The following CLIP1 variants were observed in gnomAD, a reference collection of about 807,000 sequenced individuals.
CLIP1 encodes the protein CAP-Gly domain containing linker protein 1.
Under a neutral mutation model 161.6 loss-of-function variants are expected in CLIP1, and 66 were observed. The ratio of observed to expected loss-of-function variants is 0.41; its 90% CI spans 0.33 to 0.50. CLIP1 has a LOEUF of 0.50. Among genes scored for constraint, CLIP1 ranks in the 20% least tolerant of loss-of-function variants. CLIP1 has a pLI of 0.27. For missense variants in CLIP1, 1,376 were observed against 1,702.0 expected, an observed-to-expected ratio of 0.81 and a Z score of 3.37; for synonymous variants, 598 against 626.2, an observed-to-expected ratio of 0.96 and a Z score of 0.67.
At chr12:122,401,139 G>A (rs1432605885) in intron 1 of CLIP1, among the ~76,000 whole-genome samples, 3 of 152,030 alleles carry the variant, frequency 2.0e-5, no homozygotes, top group African/African-American at 4.8e-5. Flanking sequence ...TCGAACTCCC[G>A]ACCTCAGGTG....
intron 12 of CLIP1, 41 bp from the exon 13 acceptor site, chr12:122,334,746 A>C: frequency 7.9e-7 from 1 of 1,273,244 alleles, no homozygotes; most frequent in Non-Finnish European, 1.1e-6. Flanking sequence ...GAAAGATTTC[A>C]AATTGTAAAG....
chr12:122,341,784 T>C lies in CLIP1; in HGVS notation c.1507-87A>G, dbSNP rs1373942817. On this transcript the variant is annotated intron_variant, in intron 10 of 25. Transcript: ENST00000620786. ...TTTCTTTTTTTTTTTTTTTTTTTTT[T>C]TTTTTTTTTTTTTTTTGAGATGGAG... The C allele has an allele frequency of 1.3e-4, 97 of 753,818 alleles. No homozygotes were observed. In the African/African-American group the frequency reaches 2.5e-3, roughly 19 times the overall value. 46.7% of individuals were successfully genotyped at this position (753,818 alleles called of 1,614,324 possible). A position where few individuals can be genotyped will look rare whatever the true frequency, so the allele number is the denominator to read the frequency against.
intron 1 of CLIP1, among the ~76,000 whole-genome samples, chr12:122,415,325 C>CA (rs1407209944): frequency 2.7e-5 from 4 of 149,462 alleles, no homozygotes; most frequent in Non-Finnish European, 4.5e-5. Context: ...ACTAAAAATA[C>CA]AAAAAAATTA....
At chr12:122,327,921 C>G in intron 17 of CLIP1, 26 bp downstream of exon 17, 1 of 1,609,024 alleles carries the variant, frequency 6.2e-7, no homozygotes, top group Non-Finnish European at 8.5e-7. Context: ...AGCTACAACA[C>G]AAGGAAATTC....
In CLIP1 at chr12:122,309,858, A is replaced by G. The variant is rs760903246; in HGVS notation, c.3498T>C (p.Ala1166=). ...KEIETLKQAA[A]QKSQQLSALQ... The stretch of plus-strand genomic sequence containing the variant: ...ACGCTGAAAGCTGCTGGGACTTCTG[A>G]GCTGCTGCCTGCTTTAGGGTTTCTC... The change falls in exon 20 of 26, where the codon GCT becomes GCC. Residue 1166 remains alanine (A), a synonymous_variant. Transcript: ENST00000620786. 1 of 1,614,046 alleles carries G rather than the reference A, an allele frequency of 6.2e-7. No homozygotes were observed. The highest frequency in any genetic ancestry group is 8.5e-7 in the Non-Finnish European group (1 of 1,180,028).
intron 1 of CLIP1, among the ~76,000 whole-genome samples, chr12:122,403,607 C>T (rs542302526): frequency 6.6e-6 from 1 of 150,428 alleles, no homozygotes; most frequent in African/African-American, 2.4e-5. Flanking sequence ...CAACCTCTGC[C>T]TCCTGGGTTC....
intron 14 of CLIP1, among the ~76,000 whole-genome samples, chr12:122,333,388 G>C (rs1364863093): frequency 6.6e-6 from 1 of 152,190 alleles, no homozygotes; most frequent in Non-Finnish European, 1.5e-5. Flanking sequence ...TAGAATCTCA[G>C]ATGGGGCTTC....
At chr12:122,404,409 G>A (rs902026504) in intron 1 of CLIP1, among the ~76,000 whole-genome samples, 1 of 151,616 alleles carries the variant, frequency 6.6e-6, no homozygotes, top group Non-Finnish European at 1.5e-5. Flanking sequence ...CCTTCGGGCT[G>A]GCCAACATGG....
At chr12:122,364,620 G>C (rs1954035807) in intron 3 of CLIP1, among the ~76,000 whole-genome samples, 1 of 151,996 alleles carries the variant, frequency 6.6e-6, no homozygotes, top group Non-Finnish European at 1.5e-5. Context: ...GCCCAGGCTG[G>C]TCTTGAACTC....
intron 1 of CLIP1, among the ~76,000 whole-genome samples, chr12:122,388,877 G>C (rs1955453330): frequency 6.6e-6 from 1 of 152,092 alleles, no homozygotes. Context: ...ACCCAGCCCA[G>C]ATGCTAAAGT....
intron 21 of CLIP1, chr12:122,280,788 G>A (rs1450760539): frequency 6.6e-6 from 1 of 152,222 alleles, no homozygotes; most frequent in Admixed American, 6.5e-5. Context: ...AAATACTTTA[G>A]GAAAAACAAA....
At chr12:122,278,646 G>C (rs1955527198) in intron 23 of CLIP1, 146 bp downstream of exon 23, 2 of 833,786 alleles carry the variant, frequency 2.4e-6, no homozygotes, top group South Asian at 4.2e-5. Flanking sequence ...CATGGGATTA[G>C]CCCTTGATTG....
chr12:122,400,452 T>C, intron 1 of CLIP1: 1 of 152,164 alleles, frequency 6.6e-6, no homozygotes, highest in East Asian at 1.9e-4. Flanking sequence ...GTACTGGCTG[T>C]TTCTAGAGCC....
At chr12:122,349,894 GTTTT>G (rs1351067872) in intron 9 of CLIP1, among the ~76,000 whole-genome samples, 3 of 70,658 alleles carry the variant, frequency 4.2e-5, no homozygotes, top group African/African-American at 8.4e-5. Flanking sequence ...GTGTTTTTTT[GTTTT>G]TTTTGTTTTT....
intron 8 of CLIP1, among the ~76,000 whole-genome samples, chr12:122,351,918 T>A (rs1953053109): frequency 6.6e-6 from 1 of 152,120 alleles, no homozygotes; most frequent in Non-Finnish European, 1.5e-5. Flanking sequence ...AAATATAAAG[T>A]GTTCTTAGTT....
In CLIP1 at chr12:122,272,860, C is replaced by T; in HGVS notation, c.*15G>A. The T allele has an allele frequency of 6.2e-7, 1 of 1,611,640 alleles. No individual in the cohort carries two copies. Among genetic ancestry groups the T allele is most frequent in the Non-Finnish European group, 8.5e-7 (1 of 1,177,682 alleles). On this transcript the variant is annotated 3_prime_UTR_variant, in exon 26 of 26. Transcript: ENST00000620786. Reference sequence around the variant, plus strand: ...AGTGCGTCTGAGCAAGCCCAGTTCTCCACTGGAGGCTTCATCAGAAGGTTT... The same window carrying T: ...AGTGCGTCTGAGCAAGCCCAGTTCTTCACTGGAGGCTTCATCAGAAGGTTT...
intron 15 of CLIP1, among the ~76,000 whole-genome samples, chr12:122,332,290 C>T (rs540331691): frequency 9.8e-5 from 14 of 143,326 alleles, no homozygotes; most frequent in African/African-American, 2.6e-4. Flanking sequence ...AGCAAAACTC[C>T]GTCTCAAAAA....
chr12:122,405,791 G>T (rs959997585), intron 1 of CLIP1, among the ~76,000 whole-genome samples: 1 of 145,618 alleles, frequency 6.9e-6, no homozygotes, highest in African/African-American at 2.5e-5. Context: ...AACAGCAGCC[G>T]GGTGTGGTTG....
chr12:122,305,755 C>T (rs1593024335), intron 20 of CLIP1, among the ~76,000 whole-genome samples: 1 of 151,920 alleles, frequency 6.6e-6, no homozygotes, highest in Non-Finnish European at 1.5e-5. Context: ...TAATCAGCTG[C>T]CAGCTTGACC....
Sources: gnomAD v4.1 joint callset for allele counts (sites outside exome capture counted in the v4.1 genomes callset) on GRCh38, gnomAD v4.1.1 for gene constraint, MANE v1.5 for transcripts, NCBI Gene and HGNC (gene_info 2026-07-23, HGNC 2026-07-21) for gene names.